TMEM200A: variants seen among roughly 807,000 people sequenced by gnomAD.
The protein encoded by TMEM200A is two transmembrane C.
In TMEM200A, 12 loss-of-function variants were observed where a neutral mutation model predicts 24.3. That is an observed-to-expected ratio of 0.49 (90% CI 0.32 to 0.80). The LOEUF is 0.80. Among genes scored for constraint, TMEM200A ranks in the 30% least tolerant of loss-of-function variants. TMEM200A has a pLI of 0.04. For synonymous variants in TMEM200A, 224 were observed against 224.4 expected (o/e 1.00, Z 0.02); for missense variants, 545 against 614.4 (o/e 0.89, Z 1.19).
In TMEM200A at chr6:130,371,712, A is replaced by G. The variant is rs138139251; in HGVS notation, c.-81+5188A>G. On this transcript the variant is annotated intron_variant, in intron 1 of 2. Coordinates refer to ENST00000296978, the MANE Select transcript of TMEM200A (RefSeq NM_001258277.2). ...CCATTCTGGATTTAGGGTTTGGGGT[A>G]TAGCAAGGAAAGGGGATGGGAAAAT... Among the ~76,000 whole-genome samples the G allele has an allele frequency of 5.3e-5, 8 of 152,336 alleles. No individual in the cohort carries two copies. In the East Asian group the frequency reaches 1.5e-3, roughly 29 times the overall value.
intron 1 of TMEM200A, among the ~76,000 whole-genome samples, chr6:130,378,334 A>G (rs1392787397): frequency 6.6e-6 from 1 of 151,986 alleles, no homozygotes; most frequent in Non-Finnish European, 1.5e-5. Context: ...AGTGATTAAA[A>G]TCCCAGGTGT....
Position 130,403,643 on chromosome 6 carries a change from A to T in TMEM200A, c.-17+18407A>T, listed in dbSNP as rs565689532. Among the ~76,000 whole-genome samples the T allele has an allele frequency of 3.3e-5, 5 of 150,780 alleles. No homozygotes were observed. In the South Asian group the frequency reaches 6.3e-4, roughly 19 times the overall value. ...TCAGGAACTTTGTTTTCATTTTGCT[A>T]TTTTTTTTTCAACATGACTTACAGC... On this transcript the variant is annotated intron_variant, in intron 2 of 2. Coordinates refer to ENST00000296978, the MANE Select transcript of TMEM200A (RefSeq NM_001258277.2).
chr6:130,432,129 C>T (rs1583228737), intron 2 of TMEM200A, among the ~76,000 whole-genome samples: 1 of 152,164 alleles, frequency 6.6e-6, no homozygotes, highest in African/African-American at 2.4e-5. Flanking sequence ...ACTCTTATGG[C>T]ATCTTCTGTA....
intron 2 of TMEM200A, chr6:130,421,477 CTAAT>C (rs67326667): frequency 0.11 from 17,189 of 151,258 alleles, 1,294 homozygotes; most frequent in East Asian, 0.35. Context: ...TATAGTCAAG[CTAAT>C]TAACACATCC....
At chr6:130,389,683 C>A (rs1323896486) in intron 2 of TMEM200A, among the ~76,000 whole-genome samples, 1 of 151,836 alleles carries the variant, frequency 6.6e-6, no homozygotes, top group African/African-American at 2.4e-5. Flanking sequence ...TTTGAGAAAT[C>A]ATTAATTTTA....
At chr6:130,380,990 A>G (rs1228630919) in intron 1 of TMEM200A, among the ~76,000 whole-genome samples, 3 of 152,222 alleles carry the variant, frequency 2.0e-5, no homozygotes, top group African/African-American at 2.4e-5. Context: ...CTGTCTCTAA[A>G]AAAATAAAAA....
At chr6:130,434,243 C>T (rs1439401084) in intron 2 of TMEM200A, among the ~76,000 whole-genome samples, 2 of 152,098 alleles carry the variant, frequency 1.3e-5, no homozygotes, top group Non-Finnish European at 2.9e-5. Flanking sequence ...CATGAAAAAA[C>T]AATAGAAAAG....
In TMEM200A at chr6:130,420,064, C is replaced by T. The variant is rs149635615; in HGVS notation, c.-16-20343C>T. Among the ~76,000 whole-genome samples the T allele has an allele frequency of 8.0e-3, 1,216 of 152,246 alleles. 77 individuals carry two copies. Among genetic ancestry groups the T allele is most frequent in the Admixed American group, 0.074 (1,130 of 15,264 alleles). On this transcript the variant is annotated intron_variant, in intron 2 of 2. Transcript: ENST00000296978. Reference sequence around the variant, plus strand: ...AGTGGAGCCCTCATGATCTAATCACCTCCTAAAGGCCTCACTTCTTAGCAT... The same window carrying T: ...AGTGGAGCCCTCATGATCTAATCACTTCCTAAAGGCCTCACTTCTTAGCAT...
intron 2 of TMEM200A, among the ~76,000 whole-genome samples, chr6:130,401,320 C>G (rs976196173): frequency 6.6e-6 from 1 of 151,840 alleles, no homozygotes; most frequent in Admixed American, 6.6e-5. Flanking sequence ...AATTATTAGA[C>G]TAATCCCTAT....
intron 1 of TMEM200A, among the ~76,000 whole-genome samples, chr6:130,382,811 C>T (rs1305013740): frequency 1.3e-5 from 2 of 152,030 alleles, no homozygotes. Flanking sequence ...ATGACTGAGC[C>T]CCACTAAAAG....
At chr6:130,436,291 T>C (rs572961222) in intron 2 of TMEM200A, among the ~76,000 whole-genome samples, 1 of 152,236 alleles carries the variant, frequency 6.6e-6, no homozygotes, top group South Asian at 2.1e-4. Context: ...ACTTAGAACA[T>C]TGCCTGACCA....
chr6:130,411,141 C>T (rs1183066663), intron 2 of TMEM200A, among the ~76,000 whole-genome samples: 1 of 151,116 alleles, frequency 6.6e-6, no homozygotes, highest in Non-Finnish European at 1.5e-5. Context: ...TGCATTCCAG[C>T]TTGGGCGAGG....
intron 2 of TMEM200A, among the ~76,000 whole-genome samples, chr6:130,414,431 CAAA>C (rs11317905): frequency 2.6e-4 from 15 of 57,904 alleles, no homozygotes; most frequent in African/African-American, 6.1e-4. Flanking sequence ...GACTCCATCT[CAAA>C]AAAAAAAAAA....
intron 1 of TMEM200A, among the ~76,000 whole-genome samples, chr6:130,376,675 CAG>C (rs1158553131): frequency 5.3e-5 from 8 of 150,392 alleles, no homozygotes; most frequent in Non-Finnish European, 1.0e-4. Flanking sequence ...TAAGTATTAA[CAG>C]TAATTTTAAA....
At position 130,436,631 on chromosome 6, in the gene TMEM200A, C is replaced by CTTT. The variant is rs1203926640; in HGVS notation, c.-16-3747_-16-3745dup. ...TCACTAGGCTTCGTTTTTCTTTATC[C>CTTT]TTTTTTTTTTTTTTTTTTTTTTTTT... On this transcript the variant is annotated intron_variant, in intron 2 of 2. Coordinates refer to ENST00000296978, the MANE Select transcript of TMEM200A (RefSeq NM_001258277.2). 1.1e-4 allele frequency among the ~76,000 whole-genome samples: 10 copies of CTTT among 92,920 alleles called. 3 individuals carry two copies. The highest frequency in any genetic ancestry group is 8.2e-4 in the South Asian group (2 of 2,428). The allele number at this position is 92,920 out of a possible 152,430, so 61.0% of individuals were successfully genotyped here.
At chr6:130,395,791 C>T (rs779822916) in intron 2 of TMEM200A, among the ~76,000 whole-genome samples, 1 of 152,240 alleles carries the variant, frequency 6.6e-6, no homozygotes, top group South Asian at 2.1e-4. Flanking sequence ...GGATCAAAGT[C>T]GTTGAATTTA....
At chr6:130,414,094 T>G (rs1779392882) in intron 2 of TMEM200A, among the ~76,000 whole-genome samples, 1 of 152,120 alleles carries the variant, frequency 6.6e-6, no homozygotes, top group Non-Finnish European at 1.5e-5. Context: ...TTCTCACTGT[T>G]CTCAAAAGTC....
intron 2 of TMEM200A, among the ~76,000 whole-genome samples, chr6:130,419,914 C>G (rs1315365512): frequency 2.0e-5 from 3 of 152,180 alleles, no homozygotes; most frequent in African/African-American, 7.2e-5. Flanking sequence ...GAAAGCTGCT[C>G]TCAGCTTCCA....
chr6:130,418,317 T>A (rs956189524), intron 2 of TMEM200A, among the ~76,000 whole-genome samples: 1 of 152,216 alleles, frequency 6.6e-6, no homozygotes, highest in African/African-American at 2.4e-5. Flanking sequence ...AATGAAGTAG[T>A]ATTATTTCCA....
Sources: gnomAD v4.1 joint callset for allele counts (sites outside exome capture counted in the v4.1 genomes callset) on GRCh38, gnomAD v4.1.1 for gene constraint, MANE v1.5 for transcripts, NCBI Gene and HGNC (gene_info 2026-07-23, HGNC 2026-07-21) for gene names.